METTL15: variants seen among roughly 807,000 people sequenced by gnomAD.
METTL15 encodes 12S rRNA N(4)-cytidine methyltransferase METTL15.
METTL15 carries 34 observed loss-of-function variants against 38.3 expected under a neutral mutation model. That is an observed-to-expected ratio of 0.89 (90% confidence interval 0.68 to 1.18). The LOEUF (loss-of-function observed/expected upper bound fraction) is 1.18. METTL15 is among the 50% of genes most tolerant of loss of function. The pLI is 0.00. For missense variants in METTL15, 438 were observed against 498.4 expected (o/e 0.88, Z 1.15); for synonymous variants, 162 against 170.9 (o/e 0.95, Z 0.41).
At chr11:28,392,959 C>A (rs1850527384) in intron 5 of METTL15, among the ~76,000 whole-genome samples, 1 of 151,848 alleles carries the variant, frequency 6.6e-6, no homozygotes, top group African/African-American at 2.4e-5. Flanking sequence ...TAAGATATCA[C>A]CTCACAATCA....
At chr11:28,290,490 T>C in intron 5 of METTL15, 93 bp downstream of exon 5, 1 of 1,161,034 alleles carries the variant, frequency 8.6e-7, no homozygotes, top group Non-Finnish European at 1.2e-6. Flanking sequence ...AGAATTTCCA[T>C]TACATGCCTA....
intron 5 of METTL15, among the ~76,000 whole-genome samples, chr11:28,409,477 A>G (rs1160116379): frequency 6.6e-6 from 1 of 152,042 alleles, no homozygotes; most frequent in Admixed American, 6.6e-5. Context: ...AACAGGAGAA[A>G]TATGGAAAAT....
chr11:28,223,802 C>T (rs559086809), intron 4 of METTL15, among the ~76,000 whole-genome samples: 2 of 152,082 alleles, frequency 1.3e-5, no homozygotes, highest in Admixed American at 1.3e-4. Flanking sequence ...TTTGCTGTTG[C>T]CTCTGAAGAC....
chr11:28,316,481 A>G (rs756745312), intron 6 of METTL15, among the ~76,000 whole-genome samples: 1 of 152,210 alleles, frequency 6.6e-6, no homozygotes, highest in Non-Finnish European at 1.5e-5. Flanking sequence ...GAAGGGACTT[A>G]ACTTGCCTTG....
intron 5 of METTL15, among the ~76,000 whole-genome samples, chr11:28,409,665 C>T (rs1211903284): frequency 6.6e-6 from 1 of 151,722 alleles, no homozygotes; most frequent in African/African-American, 2.4e-5. Flanking sequence ...TACACTCCTA[C>T]ATTAAAAAAG....
At chr11:28,346,422 T>A (rs1234455061) in intron 3 of METTL15, among the ~76,000 whole-genome samples, 1 of 152,186 alleles carries the variant, frequency 6.6e-6, no homozygotes, top group African/African-American at 2.4e-5. Context: ...TGAGTCATAT[T>A]TTATAGGTGT....
chr11:28,483,609 T>C (rs1034597319), intron 6 of METTL15, among the ~76,000 whole-genome samples: 3 of 152,222 alleles, frequency 2.0e-5, no homozygotes, highest in Admixed American at 6.5e-5. Context: ...TTGTGGGCCA[T>C]ATAGCCTGTG....
chr11:28,390,525 GA>G (rs1564916852), intron 5 of METTL15, among the ~76,000 whole-genome samples: 1 of 152,176 alleles, frequency 6.6e-6, no homozygotes, highest in Non-Finnish European at 1.5e-5. Flanking sequence ...GTTTGTCAAA[GA>G]TCAGATAGTT....
chr11:28,394,347 A>G (rs2133396951), intron 5 of METTL15, among the ~76,000 whole-genome samples: 1 of 152,180 alleles, frequency 6.6e-6, no homozygotes, highest in East Asian at 1.9e-4. Context: ...TCACAACACA[A>G]ATGCTGAGGG....
chr11:28,268,746 T>C (rs1242316133), intron 4 of METTL15, among the ~76,000 whole-genome samples: 2 of 152,200 alleles, frequency 1.3e-5, no homozygotes, highest in East Asian at 3.9e-4. Flanking sequence ...TTTTTTGCAT[T>C]CTGTAGACTT....
chr11:28,455,771 A>G (rs977364486), intron 6 of METTL15, among the ~76,000 whole-genome samples: 7 of 152,088 alleles, frequency 4.6e-5, no homozygotes, highest in Admixed American at 6.6e-5. Flanking sequence ...CACTGGTGCT[A>G]TCTCGGCTCA....
chr11:28,495,668 G>A (rs1350903276), intron 6 of METTL15, among the ~76,000 whole-genome samples: 1 of 151,630 alleles, frequency 6.6e-6, no homozygotes, highest in Non-Finnish European at 1.5e-5. Flanking sequence ...TGAGAGGGTG[G>A]AAGAAAAGCA....
At chr11:28,280,175 A>G (rs1856000346) in intron 4 of METTL15, among the ~76,000 whole-genome samples, 1 of 151,444 alleles carries the variant, frequency 6.6e-6, no homozygotes, top group Non-Finnish European at 1.5e-5. Flanking sequence ...TTTCCCATTC[A>G]TTGCTTCGGT....
intron 3 of METTL15, among the ~76,000 whole-genome samples, chr11:28,180,602 T>A (rs186153518): frequency 6.6e-6 from 1 of 151,934 alleles, no homozygotes; most frequent in East Asian, 1.9e-4. Flanking sequence ...GGCAACCTTT[T>A]CTTTGTACTT....
intron 6 of METTL15, among the ~76,000 whole-genome samples, chr11:28,498,726 T>C (rs1380570205): frequency 6.6e-6 from 1 of 152,184 alleles, no homozygotes; most frequent in Non-Finnish European, 1.5e-5. Flanking sequence ...GTCTATGAAA[T>C]AGTTATCATC....
intron 3 of METTL15, among the ~76,000 whole-genome samples, chr11:28,205,440 CT>C (rs978953803): frequency 2.2e-4 from 33 of 152,152 alleles, no homozygotes; most frequent in East Asian, 1.9e-4. Context: ...ATGAACTCAT[CT>C]TTTTTTATGG....
intron 3 of METTL15, among the ~76,000 whole-genome samples, chr11:28,150,517 G>C (rs1256378610): frequency 6.6e-6 from 1 of 151,870 alleles, no homozygotes; most frequent in Non-Finnish European, 1.5e-5. Flanking sequence ...AGGAGAAAAG[G>C]TGAGGATATT....
At chr11:28,183,627 A>G (rs1851380202) in intron 3 of METTL15, among the ~76,000 whole-genome samples, 1 of 152,058 alleles carries the variant, frequency 6.6e-6, no homozygotes, top group Admixed American at 6.6e-5. Context: ...CGTGGTGGAT[A>G]AGCTTTTCGA....
At position 28,315,495 on chromosome 11, in the gene METTL15, A is replaced by G. The variant is rs112422117; in HGVS notation, c.779-14901A>G. On this transcript the variant is annotated intron_variant, in intron 6 of 6. Coordinates refer to ENST00000407364, the MANE Select transcript of METTL15 (RefSeq NM_001113528.2). Reference sequence around the variant, plus strand: ...GCATTCAGTTTTATAAGAGAAGCAGAGCATAAAAGTTTGGATAATTTGCAG... The same window carrying G: ...GCATTCAGTTTTATAAGAGAAGCAGGGCATAAAAGTTTGGATAATTTGCAG... Among the ~76,000 whole-genome samples the G allele has an allele frequency of 3.3e-5, 5 of 152,336 alleles. 1 individual carries two copies. Among genetic ancestry groups the G allele is most frequent in the African/African-American group, 1.2e-4 (5 of 41,584 alleles).
Sources: gnomAD v4.1 joint callset for allele counts (sites outside exome capture counted in the v4.1 genomes callset) on GRCh38, gnomAD v4.1.1 for gene constraint, MANE v1.5 for transcripts, NCBI Gene and HGNC (gene_info 2026-07-23, HGNC 2026-07-21) for gene names.